CNTN5: variants seen among roughly 807,000 people sequenced by gnomAD.
CNTN5 encodes the protein contactin 5.
Under a neutral mutation model 129.1 loss-of-function variants are expected in CNTN5, and 77 were observed. The observed-to-expected ratio is 0.60, with a 90% CI of 0.50 to 0.72. The LOEUF is 0.72. CNTN5 is among the 30% of genes least tolerant of loss of function. The pLI is 0.00. For missense variants in CNTN5, 1,478 were observed against 1,328.8 expected (o/e 1.11, Z -1.75); for synonymous variants, 509 against 465.6 (o/e 1.09, Z -1.20).
rs186400633 is a variant in CNTN5, at chr11:99,884,241, T to C, written c.578-31813T>C. 2.4e-4 allele frequency among the ~76,000 whole-genome samples: 37 copies of C among 152,066 alleles called. No individual in the cohort carries two copies. The East Asian group carries it at 4.3e-3, about 17-fold the overall frequency. ...TCATAAAGGAAAATGTTACAACAAA[T>C]AGTAAAAGATCAAAGAGAAAAAATA... On this transcript the variant is annotated intron_variant, in intron 6 of 24. Transcript: ENST00000524871.
intron 3 of CNTN5, among the ~76,000 whole-genome samples, chr11:99,676,731 A>T (rs1421628842): frequency 6.6e-6 from 1 of 152,224 alleles, no homozygotes; most frequent in Admixed American, 6.5e-5. Flanking sequence ...TAATTAAAAA[A>T]AAATTAGTAA....
chr11:100,106,656 C>T (rs2138090313), intron 13 of CNTN5, among the ~76,000 whole-genome samples: 1 of 152,158 alleles, frequency 6.6e-6, no homozygotes, highest in African/African-American at 2.4e-5. Flanking sequence ...CCATTACTGC[C>T]TTAAAAACAA....
intron 2 of CNTN5, among the ~76,000 whole-genome samples, chr11:99,378,359 T>TAATAAGA (rs1398991696): frequency 6.6e-6 from 1 of 152,124 alleles, no homozygotes; most frequent in East Asian, 1.9e-4. Context: ...ATTTCTCTAA[T>TAATAAGA]AATAAGAAAA....
intron 13 of CNTN5, among the ~76,000 whole-genome samples, chr11:100,118,111 C>T (rs1030675093): frequency 2.7e-5 from 4 of 150,800 alleles, no homozygotes; most frequent in Non-Finnish European, 5.9e-5. Flanking sequence ...TAATATCTAA[C>T]GTCAAATCTA....
At chr11:99,201,610 T>C (rs1040935492) in intron 1 of CNTN5, among the ~76,000 whole-genome samples, 1 of 152,086 alleles carries the variant, frequency 6.6e-6, no homozygotes, top group African/African-American at 2.4e-5. Flanking sequence ...ATAAAAACAA[T>C]TATGCTGAAT....
chr11:100,355,349 C>A (rs1227129527), intron 24 of CNTN5, among the ~76,000 whole-genome samples: 1 of 151,692 alleles, frequency 6.6e-6, no homozygotes, highest in Non-Finnish European at 1.5e-5. Context: ...GGCAATCATA[C>A]ACATAGAGCT....
At chr11:100,238,780 G>C (rs1949678594) in intron 16 of CNTN5, among the ~76,000 whole-genome samples, 1 of 152,086 alleles carries the variant, frequency 6.6e-6, no homozygotes, top group African/African-American at 2.4e-5. Flanking sequence ...GGTATTCATA[G>C]GAGGGAAATA....
At chr11:100,284,689 G>T (rs1302887354) in intron 18 of CNTN5, among the ~76,000 whole-genome samples, 1 of 152,120 alleles carries the variant, frequency 6.6e-6, no homozygotes, top group African/African-American at 2.4e-5. Flanking sequence ...AGGGAGAAAA[G>T]ATATAGTTAA....
At chr11:100,166,627 C>A (rs899425611) in intron 13 of CNTN5, among the ~76,000 whole-genome samples, 1 of 151,646 alleles carries the variant, frequency 6.6e-6, no homozygotes, top group Non-Finnish European at 1.5e-5. Flanking sequence ...TATAAGAATT[C>A]TTTGGAATTA....
At chr11:99,841,753 C>T (rs546697389) in intron 4 of CNTN5, among the ~76,000 whole-genome samples, 17 of 141,764 alleles carry the variant, frequency 1.2e-4, no homozygotes, top group African/African-American at 4.4e-4. Context: ...AATTCAATAG[C>T]CTTAGATTTA....
chr11:99,397,141 A>G (rs936038513), intron 2 of CNTN5, among the ~76,000 whole-genome samples: 1 of 151,804 alleles, frequency 6.6e-6, no homozygotes, highest in Admixed American at 6.6e-5. Flanking sequence ...TAACTTTGAT[A>G]ATTTGAGAAA....
intron 20 of CNTN5, among the ~76,000 whole-genome samples, chr11:100,306,575 T>C (rs1951354833): frequency 6.6e-6 from 1 of 151,738 alleles, no homozygotes; most frequent in Admixed American, 6.6e-5. Flanking sequence ...AAGTGTGGTT[T>C]CCTTTCAAAT....
At chr11:99,432,439 C>T (rs11219882) in intron 2 of CNTN5, among the ~76,000 whole-genome samples, 51 of 113,282 alleles carry the variant, frequency 4.5e-4, no homozygotes, top group African/African-American at 7.7e-4. Context: ...CCTTTTCTTT[C>T]CTTTTCTTTT....
chr11:99,196,939 A>G (rs1313698274), intron 1 of CNTN5, among the ~76,000 whole-genome samples: 3 of 151,970 alleles, frequency 2.0e-5, no homozygotes, highest in Non-Finnish European at 4.4e-5. Flanking sequence ...AATAAGAAGC[A>G]TAGAAAAGTC....
intron 3 of CNTN5, among the ~76,000 whole-genome samples, chr11:99,617,825 A>T (rs1950808283): frequency 6.6e-6 from 1 of 152,132 alleles, no homozygotes; most frequent in Non-Finnish European, 1.5e-5. Context: ...TCCACCTAAC[A>T]GTTCATCTAT....
chr11:99,689,334 T>G (rs633871), intron 3 of CNTN5, among the ~76,000 whole-genome samples: 1 of 151,710 alleles, frequency 6.6e-6, no homozygotes, highest in Admixed American at 6.6e-5. Context: ...GAGACCATCC[T>G]GGCTAACACA....
intron 2 of CNTN5, among the ~76,000 whole-genome samples, chr11:99,480,753 T>A (rs1049876800): frequency 2.0e-5 from 3 of 152,242 alleles, no homozygotes; most frequent in African/African-American, 7.2e-5. Context: ...GCCCCTAGTG[T>A]CTATCCAACT....
chr11:99,844,256 C>G (rs146880406), intron 4 of CNTN5, among the ~76,000 whole-genome samples: 2 of 152,048 alleles, frequency 1.3e-5, no homozygotes, highest in Non-Finnish European at 2.9e-5. Flanking sequence ...TAAAGTTTTG[C>G]CATTTTAATT....
In CNTN5 at chr11:99,806,033, T is replaced by C. The variant is rs192451902; in HGVS notation, c.56-13511T>C. Among the ~76,000 whole-genome samples, 80 of 152,320 alleles carry C rather than the reference T, an allele frequency of 5.3e-4. No individual in the cohort carries two copies. In the South Asian group the frequency reaches 9.1e-3, roughly 17 times the overall value. ...TTTCAAGCATTGTTTCTTTAAAGCA[T>C]TGTGTCTTTATTGTAAAACCACATA... On this transcript the variant is annotated intron_variant, in intron 3 of 24. Coordinates refer to ENST00000524871, the MANE Select transcript of CNTN5 (RefSeq NM_014361.4).
Sources: allele counts gnomAD v4.1 joint callset (sites outside exome capture counted in the v4.1 genomes callset), GRCh38; gene constraint gnomAD v4.1.1; transcripts MANE v1.5; gene names NCBI Gene and HGNC (gene_info 2026-07-23, HGNC 2026-07-21).